OSBPL8: variants seen among roughly 807,000 people sequenced by gnomAD.
OSBPL8 encodes the protein oxysterol binding protein like 8.
In OSBPL8, 59 loss-of-function variants were observed where a neutral mutation model predicts 125.5. That is an observed-to-expected ratio of 0.47 (90% CI 0.38 to 0.58). OSBPL8 has a LOEUF of 0.58. Among genes scored for constraint, OSBPL8 ranks in the 20% least tolerant of loss-of-function variants. The probability of loss-of-function intolerance (pLI) is 0.00; values close to 1 mark genes in which losing one functional copy is unlikely to be tolerated. For missense variants in OSBPL8, 758 were observed against 1,047.8 expected, an observed-to-expected ratio of 0.72 and a Z score of 3.82; for synonymous variants, 330 against 338.9, an observed-to-expected ratio of 0.97 and a Z score of 0.29.
intron 1 of OSBPL8, among the ~76,000 whole-genome samples, chr12:76,513,002 T>C (rs1226749782): frequency 2.0e-5 from 3 of 152,248 alleles, no homozygotes; most frequent in Non-Finnish European, 4.4e-5. Context: ...TGTATAGGAA[T>C]GCCACTGATA....
chr12:76,536,196 G>C (rs1216254801), intron 1 of OSBPL8, among the ~76,000 whole-genome samples: 1 of 151,886 alleles, frequency 6.6e-6, no homozygotes, highest in Non-Finnish European at 1.5e-5. Flanking sequence ...AAAAAATCTA[G>C]CACAACTAGG....
At chr12:76,534,332 AGT>A (rs1242754591) in intron 1 of OSBPL8, 3 of 152,214 alleles carry the variant, frequency 2.0e-5, no homozygotes, top group Non-Finnish European at 4.4e-5. Flanking sequence ...TAAATTGAAA[AGT>A]GTTACAATTT....
chr12:76,538,331 C>T (rs1338287399), intron 1 of OSBPL8, among the ~76,000 whole-genome samples: 1 of 152,088 alleles, frequency 6.6e-6, no homozygotes, highest in East Asian at 1.9e-4. Flanking sequence ...ACTATATATT[C>T]ACTAAAAGTA....
intron 2 of OSBPL8, among the ~76,000 whole-genome samples, chr12:76,479,834 G>A (rs1007053329): frequency 2.0e-5 from 3 of 152,064 alleles, no homozygotes; most frequent in African/African-American, 7.2e-5. Flanking sequence ...AAAGACTTGT[G>A]ACTTATCAAC....
chr12:76,555,727 A>G (rs1355305999), intron 1 of OSBPL8, among the ~76,000 whole-genome samples: 1 of 152,206 alleles, frequency 6.6e-6, no homozygotes, highest in Non-Finnish European at 1.5e-5. Context: ...CGCTTGTATA[A>G]GATTCAGTCA....
In OSBPL8 at chr12:76,544,387, T is replaced by C. The variant is rs567032670; in HGVS notation, c.-68+15010A>G. Among the ~76,000 whole-genome samples the C allele has an allele frequency of 3.5e-4, 53 of 152,224 alleles. 1 individual carries two copies. The South Asian group carries it at 0.011, about 31-fold the overall frequency. On this transcript the variant is annotated intron_variant, in intron 1 of 23. Coordinates refer to ENST00000261183, the MANE Select transcript of OSBPL8 (RefSeq NM_020841.5). ...AGATATAATTTGTCACCACAGAATG[T>C]AGGTTAAAAGAATGAGGTGAAAGAC... is the stretch of plus-strand genomic sequence containing the variant.
intron 4 of OSBPL8, among the ~76,000 whole-genome samples, chr12:76,440,100 T>A (rs1210672564): frequency 6.6e-6 from 1 of 152,208 alleles, no homozygotes; most frequent in African/African-American, 2.4e-5. Flanking sequence ...TGCTTGGGAA[T>A]TGTGGGGCCT....
chr12:76,360,390 C>T (rs1042738703), intron 21 of OSBPL8, among the ~76,000 whole-genome samples: 1 of 152,246 alleles, frequency 6.6e-6, no homozygotes, highest in Admixed American at 6.5e-5. Context: ...TCTTGGGCAG[C>T]TCCACCCTTG....
chr12:76,375,847 T>C (rs1268328681), intron 16 of OSBPL8, among the ~76,000 whole-genome samples: 1 of 152,154 alleles, frequency 6.6e-6, no homozygotes, highest in Non-Finnish European at 1.5e-5. Flanking sequence ...CCACATGTAG[T>C]GTTGCAGTGC....
At chr12:76,422,607 C>T (rs1869631961) in intron 4 of OSBPL8, 1 of 456,522 alleles carries the variant, frequency 2.2e-6, no homozygotes, top group Non-Finnish European at 4.4e-6. Flanking sequence ...ACAGGCAAAA[C>T]CCCAGTACAG....
rs1229212661 is a variant in OSBPL8, at chr12:76,477,590, T to G, written c.42+9920A>C. On this transcript the variant is annotated intron_variant, in intron 2 of 23. Coordinates refer to ENST00000261183, the MANE Select transcript of OSBPL8 (RefSeq NM_020841.5). ...CACACGGTCATAATCAAGAAGAACA[T>G]GAGGAAACACGAGAACTAAATGTAA... 2.0e-5 allele frequency among the ~76,000 whole-genome samples: 3 copies of G among 152,104 alleles called. No homozygotes were observed. In the East Asian group the frequency reaches 5.8e-4, roughly 30 times the overall value.
intron 2 of OSBPL8, among the ~76,000 whole-genome samples, chr12:76,467,034 C>T (rs1409365358): frequency 2.6e-5 from 4 of 152,112 alleles, no homozygotes; most frequent in Admixed American, 2.0e-4. Flanking sequence ...CCTGTGGAGT[C>T]CTCTCTGGCA....
chr12:76,359,164 CTAT>C (rs1417004443), intron 21 of OSBPL8, among the ~76,000 whole-genome samples: 2 of 152,118 alleles, frequency 1.3e-5, no homozygotes, highest in Non-Finnish European at 2.9e-5. Context: ...ACTGCACCAG[CTAT>C]TATTATTCTC....
intron 21 of OSBPL8, among the ~76,000 whole-genome samples, chr12:76,364,013 G>A (rs575521437): frequency 1.3e-5 from 2 of 152,338 alleles, no homozygotes; most frequent in East Asian, 1.9e-4. Context: ...AGATGCTGGA[G>A]AGGATGTGGA....
intron 4 of OSBPL8, among the ~76,000 whole-genome samples, chr12:76,447,231 C>A (rs2136700748): frequency 6.6e-6 from 1 of 152,252 alleles, no homozygotes; most frequent in African/African-American, 2.4e-5. Flanking sequence ...ACTTTCAAGT[C>A]ATAAAGAATG....
At chr12:76,370,818 G>T (rs1952592165) in intron 19 of OSBPL8, among the ~76,000 whole-genome samples, 1 of 152,138 alleles carries the variant, frequency 6.6e-6, no homozygotes, top group Non-Finnish European at 1.5e-5. Flanking sequence ...GGACAAAGTT[G>T]CATAATAAGT....
At chr12:76,497,519 C>T (rs1163346178) in intron 1 of OSBPL8, among the ~76,000 whole-genome samples, 1 of 152,198 alleles carries the variant, frequency 6.6e-6, no homozygotes, top group Non-Finnish European at 1.5e-5. Flanking sequence ...TAGACCTACA[C>T]CTAAACCCTA....
chr12:76,449,058 T>C (rs534324049), intron 4 of OSBPL8, among the ~76,000 whole-genome samples: 1 of 152,276 alleles, frequency 6.6e-6, no homozygotes, highest in African/African-American at 2.4e-5. Context: ...ACTTACTATT[T>C]ACAAGGTAGT....
chr12:76,509,781 G>A lies in OSBPL8; in HGVS notation c.-67-22163C>T, dbSNP rs186607919. Among the ~76,000 whole-genome samples the A allele has an allele frequency of 1.7e-3, 258 of 152,202 alleles. 1 individual carries two copies. Among genetic ancestry groups the A allele is most frequent in the African/African-American group, 6.1e-3 (252 of 41,518 alleles). ...AGCTATCCCACTGTGTACAACTTTA[G>A]GAAGATGGATGAGGAAGACATGCAA... On this transcript the variant is annotated intron_variant, in intron 1 of 23. Coordinates refer to ENST00000261183, the MANE Select transcript of OSBPL8 (RefSeq NM_020841.5).
Sources: allele counts gnomAD v4.1 joint callset (sites outside exome capture counted in the v4.1 genomes callset), GRCh38; gene constraint gnomAD v4.1.1; transcripts MANE v1.5; gene names NCBI Gene and HGNC (gene_info 2026-07-23, HGNC 2026-07-21).